NDEL1: variants seen among roughly 807,000 people sequenced by gnomAD.
NDEL1 encodes the protein nuclear distribution protein nudE-like 1.
A neutral mutation model predicts 45.7 loss-of-function variants in NDEL1; 9 were observed. That is an observed-to-expected ratio of 0.20 (90% CI 0.12 to 0.34). The LOEUF (loss-of-function observed/expected upper bound fraction) is 0.34, where lower values mean the gene tolerates loss of function less well. NDEL1 is among the 10% of genes least tolerant of loss of function. The probability of loss-of-function intolerance (pLI) is 1.00; values close to 1 mark genes in which losing one functional copy is unlikely to be tolerated. For missense variants in NDEL1, 306 were observed against 406.2 expected (o/e 0.75, Z 2.12); for synonymous variants, 133 against 158.6 (o/e 0.84, Z 1.21).
chr17:8,438,525 AT>A (rs903272899), intron 1 of NDEL1, among the ~76,000 whole-genome samples: 29 of 151,602 alleles, frequency 1.9e-4, no homozygotes, highest in African/African-American at 6.8e-4. Flanking sequence ...TTTTATTTTT[AT>A]TTTTTTGGAG....
intron 7 of NDEL1, among the ~76,000 whole-genome samples, chr17:8,455,906 A>G (rs532663997): frequency 2.6e-5 from 4 of 152,292 alleles, no homozygotes; most frequent in African/African-American, 9.6e-5. Flanking sequence ...CTCTGGCCAC[A>G]AAGGAGATCT....
intron 1 of NDEL1, among the ~76,000 whole-genome samples, chr17:8,416,662 C>T (rs767467211): frequency 3.3e-5 from 5 of 152,098 alleles, no homozygotes; most frequent in South Asian, 2.1e-4. Context: ...GATTGTCCTG[C>T]GTACTCAGGA....
intron 1 of NDEL1, among the ~76,000 whole-genome samples, chr17:8,441,300 G>T (rs1394948669): frequency 6.6e-6 from 1 of 152,142 alleles, no homozygotes; most frequent in Non-Finnish European, 1.5e-5. Context: ...ACTTTGGGAA[G>T]ACCAAGGCTG....
At chr17:8,434,475 C>T (rs969876528), upstream of NDEL1, among the ~76,000 whole-genome samples, 8 of 152,102 alleles carry the variant, frequency 5.3e-5, no homozygotes, top group African/African-American at 1.7e-4. Context: ...CCTCGGCTTC[C>T]CAAAGTGCTG....
chr17:8,438,818 A>C (rs1909527871), intron 1 of NDEL1, among the ~76,000 whole-genome samples: 1 of 151,338 alleles, frequency 6.6e-6, no homozygotes, highest in South Asian at 2.1e-4. Flanking sequence ...GCCTGGCCAG[A>C]ATCTGATTTT....
chr17:8,461,868 G>A lies in NDEL1; in HGVS notation c.944+1708G>A, dbSNP rs371057124. Reference sequence around the variant, plus strand: ...TGGGCCGCAGGTGCCTTTCATGAGAGCAGGTGTGAATCATAAATGGATAGG... The same window carrying A: ...TGGGCCGCAGGTGCCTTTCATGAGAACAGGTGTGAATCATAAATGGATAGG... On this transcript the variant is annotated intron_variant, in intron 8 of 8. Transcript: ENST00000334527. 7.9e-5 allele frequency among the ~76,000 whole-genome samples: 12 copies of A among 152,214 alleles called. No homozygotes were observed. The South Asian group carries it at 1.2e-3, about 16-fold the overall frequency.
chr17:8,453,028 C>T (rs1407304185), intron 6 of NDEL1, among the ~76,000 whole-genome samples: 1 of 152,152 alleles, frequency 6.6e-6, no homozygotes, highest in African/African-American at 2.4e-5. Flanking sequence ...CATGAGCCAC[C>T]ATGCCCAGCC....
intron 7 of NDEL1, among the ~76,000 whole-genome samples, chr17:8,458,249 C>G (rs1567740220): frequency 6.6e-6 from 1 of 151,858 alleles, no homozygotes; most frequent in Non-Finnish European, 1.5e-5. Context: ...TTCCATTCCT[C>G]TTAGTCATCT....
chr17:8,425,781 G>C (rs988579896), intron 1 of NDEL1, among the ~76,000 whole-genome samples: 1 of 150,842 alleles, frequency 6.6e-6, no homozygotes, highest in Non-Finnish European at 1.5e-5. Flanking sequence ...AGGGTTCTTT[G>C]TCTTTTTTTT....
At position 8,454,792 on chromosome 17, in the gene NDEL1, C is replaced by G. The variant is rs1555561328; in HGVS notation, c.701-4C>G. 6.2e-7 allele frequency: 1 copy of G among 1,607,984 alleles called. No homozygotes were observed. Among genetic ancestry groups the G allele is most frequent in the South Asian group, 1.1e-5 (1 of 90,258 alleles). On this transcript the variant is annotated splice_region_variant and splice_polypyrimidine_tract_variant and intron_variant, in intron 6 of 8. Transcript: ENST00000334527. ...GTAATCACTCAGCTTTTATTTTTCT[C>G]TAGCTATACCAAATGGTTTTGGTAC...
At chr17:8,473,533 T>C (rs2151749330) in intron 3 of NDEL1, among the ~76,000 whole-genome samples, 1 of 152,260 alleles carries the variant, frequency 6.6e-6, no homozygotes, top group Admixed American at 6.5e-5. Flanking sequence ...TTCTGTACAC[T>C]CTTGGATAAG....
chr17:8,465,999 G>T lies in NDEL1; in HGVS notation c.945-931G>T. Reference sequence around the variant, plus strand: ...CTGTGTCGCTGGGCTCCGGGTGCTGGGTCCTGGCTGCAGGCTATTGGGTTG... The same window carrying T: ...CTGTGTCGCTGGGCTCCGGGTGCTGTGTCCTGGCTGCAGGCTATTGGGTTG... On this transcript the variant is annotated intron_variant, in intron 8 of 8. Coordinates refer to ENST00000334527, the MANE Select transcript of NDEL1 (RefSeq NM_030808.5). This position sits in a 1 kb window ranked among gnomAD's most constrained non-coding sequence, Gnocchi z 4.9. The T allele has an allele frequency of 6.5e-6, 1 of 153,044 alleles. No homozygotes were observed. Among genetic ancestry groups the T allele is most frequent in the Non-Finnish European group, 1.5e-5 (1 of 68,658 alleles). The allele number at this position is 153,044 out of a possible 1,614,324, so 9.5% of individuals were successfully genotyped here.
Position 8,450,834 on chromosome 17 carries a change from C to T in NDEL1, c.581C>T (p.Ser194Leu). Residue 194 changes from serine (S) to leucine (L), a missense_variant, in exon 6 of 9, where the codon TCG (serine) becomes TTG (leucine). Physicochemically the swap from Ser to Leu is moderately radical, Grantham distance 145. Transcript: ENST00000334527. ...AGACAACAGGAAGTAACTAGAAAGT[C>T]GGCTCCTAGCTCTCCAACTCTAGAC... is the stretch of plus-strand genomic sequence containing the variant. ...RERQQEVTRK[S>L]APSSPTLDCE... 6 of 1,611,972 alleles carry T rather than the reference C, an allele frequency of 3.7e-6. No homozygotes were observed. The highest frequency in any genetic ancestry group is 2.2e-5 in the East Asian group (1 of 44,688).
chr17:8,439,163 A>G (rs1909563266), intron 1 of NDEL1, among the ~76,000 whole-genome samples: 1 of 150,820 alleles, frequency 6.6e-6, no homozygotes, highest in African/African-American at 2.4e-5. Flanking sequence ...GATAGTCTCA[A>G]TCTCCTGACC....
chr17:8,473,847 C>G (rs1057375171), intron 3 of NDEL1, among the ~76,000 whole-genome samples: 10 of 152,364 alleles, frequency 6.6e-5, no homozygotes, highest in Admixed American at 3.9e-4. Flanking sequence ...AAAGCATCTT[C>G]AATGCGTGTC....
chr17:8,446,972 C>T, intron 4 of NDEL1, 70 bp downstream of exon 4: 1 of 1,525,542 alleles, frequency 6.6e-7, no homozygotes, highest in Non-Finnish European at 8.9e-7. Flanking sequence ...CTTTATTAGG[C>T]TCTTCCCCTA....
chr17:8,459,831 A>C (rs1911084455), intron 7 of NDEL1, among the ~76,000 whole-genome samples, 178 bp from the exon 8 acceptor site: 1 of 152,218 alleles, frequency 6.6e-6, no homozygotes, highest in African/African-American at 2.4e-5. Flanking sequence ...GTCATTAGAA[A>C]GGGAGCATAA....
At chr17:8,458,133 T>C (rs1486957921) in intron 7 of NDEL1, among the ~76,000 whole-genome samples, 1 of 151,938 alleles carries the variant, frequency 6.6e-6, no homozygotes, top group Non-Finnish European at 1.5e-5. Flanking sequence ...TGGATGCCGT[T>C]CTGTCCTAAT....
intron 1 of NDEL1, among the ~76,000 whole-genome samples, chr17:8,413,710 T>C (rs1266758373): frequency 6.6e-6 from 1 of 152,244 alleles, no homozygotes; most frequent in South Asian, 2.1e-4. Flanking sequence ...TTGACTTCAC[T>C]GCTCATGGGC....
Sources: allele counts gnomAD v4.1 joint callset (sites outside exome capture counted in the v4.1 genomes callset), GRCh38; gene constraint gnomAD v4.1.1; non-coding constraint Gnocchi (gnomAD v3.1); transcripts MANE v1.5; gene names NCBI Gene and HGNC (gene_info 2026-07-23, HGNC 2026-07-21).